The following RFPL1 variants were observed in gnomAD, a reference collection of about 807,000 sequenced individuals.
RFPL1 encodes ret finger protein like 1, also known as ret finger protein-like 1.
RFPL1 carries 6 observed loss-of-function variants against 9.6 expected under a neutral mutation model. That is an observed-to-expected ratio of 0.62 (90% confidence interval 0.34 to 1.23). The LOEUF (loss-of-function observed/expected upper bound fraction) is 1.23. Among genes scored for constraint, RFPL1 ranks in the 50% most tolerant of loss-of-function variants. RFPL1 has a pLI of 0.03. For synonymous variants in RFPL1, 145 were observed against 149.4 expected, an observed-to-expected ratio of 0.97 and a Z score of 0.22; for missense variants, 352 against 398.4, an observed-to-expected ratio of 0.88 and a Z score of 0.99.
intron 1 of RFPL1, 172 bp downstream of exon 1, chr22:29,439,336 C>A (rs1429721490): frequency 9.3e-7 from 1 of 1,072,636 alleles, no homozygotes. Flanking sequence ...ACCTGGTGAT[C>A]TCCAAAAAAA....
At chr22:29,432,846 A>C in the RFPL1 span, 1 of 152,246 alleles carries the variant, frequency 6.6e-6, no homozygotes, top group Non-Finnish European at 1.5e-5. Flanking sequence ...AGGCACTGAT[A>C]TGTCTCTATG....
At chr22:29,406,152 A>AAAAAAAAAAAC in the RFPL1 span, among the ~76,000 whole-genome samples, 1 of 136,878 alleles carries the variant, frequency 7.3e-6, no homozygotes, top group African/African-American at 2.8e-5. Context: ...AAAAATAAAA[A>AAAAAAAAAAAC]AAAAGAAATA....
chr22:29,440,747 G>A, intron 1 of RFPL1: 1 of 151,752 alleles, frequency 6.6e-6, no homozygotes, highest in Non-Finnish European at 1.5e-5. Context: ...TAATTTTTTT[G>A]TATGTTTTTT....
chr22:29,410,587 C>CTATATATA, the RFPL1 span, among the ~76,000 whole-genome samples: 1 of 78,750 alleles, frequency 1.3e-5, no homozygotes, highest in South Asian at 5.0e-4. Flanking sequence ...ATATATCTAT[C>CTATATATA]TATATATAGA....
the RFPL1 span, among the ~76,000 whole-genome samples, chr22:29,400,058 C>T: frequency 2.7e-5 from 4 of 148,468 alleles, no homozygotes; most frequent in Non-Finnish European, 4.4e-5. Context: ...TGCAGTGGCG[C>T]GATCTCGGCT....
exon 1 of RFPL1, chr22:29,439,055 C>T (rs144096700): frequency 1.2e-5 from 19 of 1,614,136 alleles, no homozygotes; most frequent in Admixed American, 1.7e-5. Context: ...CTCAGAAGAA[C>T]AAAATCAGGC....
the RFPL1 span, among the ~76,000 whole-genome samples, chr22:29,415,183 C>T: frequency 3.3e-5 from 5 of 151,374 alleles, no homozygotes; most frequent in African/African-American, 1.2e-4. Context: ...CAAACCAAGT[C>T]AAAATCAAAA....
intron 1 of RFPL1, chr22:29,439,851 A>C (rs2062829583): frequency 1.3e-5 from 2 of 152,358 alleles, no homozygotes; most frequent in South Asian, 2.1e-4. Context: ...CTGACATTTA[A>C]ATGGGCCTGG....
chr22:29,416,511 C>A, the RFPL1 span, among the ~76,000 whole-genome samples: 1 of 152,214 alleles, frequency 6.6e-6, no homozygotes, highest in Admixed American at 6.5e-5. Flanking sequence ...AATGAGACAA[C>A]ATACTTAGGT....
the RFPL1 span, among the ~76,000 whole-genome samples, chr22:29,420,912 AT>A: frequency 1.3e-5 from 2 of 152,046 alleles, no homozygotes; most frequent in Non-Finnish European, 2.9e-5. Flanking sequence ...AAGTGCTGGG[AT>A]TACAGGCGTG....
At chr22:29,408,402 C>T in the RFPL1 span, among the ~76,000 whole-genome samples, 3 of 152,170 alleles carry the variant, frequency 2.0e-5, no homozygotes, top group Non-Finnish European at 2.9e-5. Context: ...GCCTGTCAAC[C>T]GCCCACCTCC....
chr22:29,419,258 C>T, the RFPL1 span: 2 of 1,419,444 alleles, frequency 1.4e-6, no homozygotes, highest in Non-Finnish European at 2.0e-6. Flanking sequence ...TCGAAGATCT[C>T]CCCTAAGGAA....
At chr22:29,406,458 G>C in the RFPL1 span, among the ~76,000 whole-genome samples, 3 of 152,084 alleles carry the variant, frequency 2.0e-5, no homozygotes, top group Non-Finnish European at 4.4e-5. Flanking sequence ...GAGGCACAGA[G>C]GGGTTCATTT....
the RFPL1 span, among the ~76,000 whole-genome samples, chr22:29,390,730 G>A: frequency 6.6e-6 from 1 of 151,244 alleles, no homozygotes; most frequent in African/African-American, 2.4e-5. Flanking sequence ...CGAGTAGCTG[G>A]GACTACAGGC....
the RFPL1 span, among the ~76,000 whole-genome samples, chr22:29,428,378 G>A: frequency 6.6e-4 from 101 of 152,260 alleles, no homozygotes; most frequent in African/African-American, 2.3e-3. Context: ...AATATTATTA[G>A]AGCTAATGAG....
the RFPL1 span, among the ~76,000 whole-genome samples, chr22:29,426,501 C>T: frequency 6.6e-6 from 1 of 152,080 alleles, no homozygotes; most frequent in Admixed American, 6.5e-5. Flanking sequence ...CCTGTAATCT[C>T]AGTACTTTGG....
chr22:29,394,336 TTTTTG>T, the RFPL1 span, among the ~76,000 whole-genome samples: 22 of 149,384 alleles, frequency 1.5e-4, no homozygotes, highest in East Asian at 1.6e-3. Flanking sequence ...TTTGTTGTTG[TTTTTG>T]TTTTGTTTTG....
the RFPL1 span, among the ~76,000 whole-genome samples, chr22:29,423,402 G>A: frequency 7.0e-6 from 1 of 142,620 alleles, no homozygotes; most frequent in Non-Finnish European, 1.5e-5. Context: ...TTTCTTCAGA[G>A]ATGGGATCTC....
the RFPL1 span, among the ~76,000 whole-genome samples, chr22:29,404,308 G>A: frequency 9.8e-5 from 15 of 152,322 alleles, no homozygotes; most frequent in African/African-American, 3.4e-4. Context: ...TTCTCAAAAT[G>A]TTATTTTGCT....
Sources: allele counts gnomAD v4.1 joint callset (sites outside exome capture counted in the v4.1 genomes callset), GRCh38; gene constraint gnomAD v4.1.1; transcripts MANE v1.5; gene names NCBI Gene and HGNC (gene_info 2026-07-23, HGNC 2026-07-21).